Variants in TNS3 observed in about 807,000 individuals in gnomAD.
The protein encoded by TNS3 is tensin 3, also known as tensin-3.
A neutral mutation model predicts 140.9 loss-of-function variants in TNS3; 45 were observed. That is an observed-to-expected ratio of 0.32 (90% CI 0.25 to 0.41). The LOEUF (loss-of-function observed/expected upper bound fraction) is 0.41, where lower values mean the gene tolerates loss of function less well. Among genes scored for constraint, TNS3 ranks in the 10% least tolerant of loss-of-function variants. TNS3 has a pLI of 1.00. For synonymous variants in TNS3, 815 were observed against 788.4 expected (o/e 1.03, Z -0.56); for missense variants, 1,716 against 1,906.7 (o/e 0.90, Z 1.86).
At chr7:47,561,353 G>A (rs1323881092) in intron 1 of TNS3, among the ~76,000 whole-genome samples, 2 of 152,198 alleles carry the variant, frequency 1.3e-5, no homozygotes, top group Non-Finnish European at 2.9e-5. Context: ...GGTGGGTGCA[G>A]GGTATGCTGA....
chr7:47,481,816 G>A (rs1358126781), intron 3 of TNS3: 1 of 462,142 alleles, frequency 2.2e-6, no homozygotes, highest in African/African-American at 2.1e-5. Context: ...GGAGCCACCA[G>A]TCCTGCAGGG....
At chr7:47,559,330 A>G (rs1380986905) in intron 1 of TNS3, among the ~76,000 whole-genome samples, 1 of 152,198 alleles carries the variant, frequency 6.6e-6, no homozygotes, top group Non-Finnish European at 1.5e-5. Context: ...CACCTGGGCA[A>G]CAAAGCAAAA....
chr7:47,277,830 C>T lies in TNS3; in HGVS notation c.*246G>A, dbSNP rs1052319515. On this transcript the variant is annotated 3_prime_UTR_variant, in exon 31 of 31. Coordinates refer to ENST00000311160, the MANE Select transcript of TNS3 (RefSeq NM_022748.12). The stretch of plus-strand genomic sequence containing the variant: ...CCTAGGGGGTGGGGTGCACCCATGC[C>T]CAGCTTCTTCTACCCAAAAAGCATG... 3.4e-6 allele frequency: 2 copies of T among 580,458 alleles called. No homozygotes were observed. Among genetic ancestry groups the T allele is most frequent in the African/African-American group, 3.7e-5 (2 of 54,148 alleles). 36.0% of individuals were successfully genotyped at this position (580,458 alleles called of 1,614,324 possible). A position where few individuals can be genotyped will look rare whatever the true frequency, so the allele number is the denominator to read the frequency against.
In TNS3 at chr7:47,411,760, G is replaced by A. The variant is rs778044379; in HGVS notation, c.690C>T (p.Ile230=). The A allele has an allele frequency of 2.4e-5, 39 of 1,613,080 alleles. No individual in the cohort carries two copies. The highest frequency in any genetic ancestry group is 1.3e-4 in the South Asian group (12 of 90,734). ...CTCCCTTCAGAAGCTGGGCCGGCTCGATGACGATGCAGATCCTGCTGGGGT... is the reference window on the plus strand; with the variant it reads ...CTCCCTTCAGAAGCTGGGCCGGCTCAATGACGATGCAGATCCTGCTGGGGT... The part of the protein sequence containing the change: ...PENPSRICIV[I]EPAQLLKGDV... The change falls in exon 13 of 31, where the codon ATC becomes ATT. Residue 230 remains isoleucine, a synonymous_variant. Coordinates refer to ENST00000311160, the MANE Select transcript of TNS3 (RefSeq NM_022748.12).
intron 17 of TNS3, among the ~76,000 whole-genome samples, chr7:47,351,517 G>A (rs1338564829): frequency 6.6e-6 from 1 of 152,104 alleles, no homozygotes; most frequent in African/African-American, 2.4e-5. Context: ...TCTTCTTCAG[G>A]CAAGACAACT....
chr7:47,505,568 G>C (rs1025247028), intron 3 of TNS3, among the ~76,000 whole-genome samples: 1 of 152,142 alleles, frequency 6.6e-6, no homozygotes, highest in African/African-American at 2.4e-5. Flanking sequence ...GGTCACAGGG[G>C]CTGCTGGTCT....
Position 47,435,138 on chromosome 7 carries a change from T to C in TNS3, c.324+144A>G, listed in dbSNP as rs964897927. The C allele has an allele frequency of 6.5e-6, 7 of 1,082,956 alleles. No homozygotes were observed. In the African/African-American group the frequency reaches 9.7e-5, roughly 15 times the overall value. The allele number at this position is 1,082,956 out of a possible 1,614,324, so 67.1% of individuals were successfully genotyped here. A position where few individuals can be genotyped will look rare whatever the true frequency, so the allele number is the denominator to read the frequency against. The stretch of plus-strand genomic sequence containing the variant: ...CTCTGTTTCCTTCTTTAAGAGCAAG[T>C]AGGAAAACCTAAAGACAAACCCATA... On this transcript the variant is annotated intron_variant, in intron 8 of 30. Transcript: ENST00000311160.
At chr7:47,482,367 C>T (rs1190782829) in intron 3 of TNS3, among the ~76,000 whole-genome samples, 2 of 152,190 alleles carry the variant, frequency 1.3e-5, no homozygotes, top group African/African-American at 2.4e-5. Context: ...CACATCATTA[C>T]TCCACCATGG....
chr7:47,519,591 C>T (rs1309311542), intron 2 of TNS3, among the ~76,000 whole-genome samples: 2 of 152,188 alleles, frequency 1.3e-5, no homozygotes, highest in Non-Finnish European at 2.9e-5. Context: ...TTGTCCCTCA[C>T]TAGCCCAGCA....
At chr7:47,490,535 G>A (rs1354794067) in intron 3 of TNS3, among the ~76,000 whole-genome samples, 1 of 152,238 alleles carries the variant, frequency 6.6e-6, no homozygotes, top group Non-Finnish European at 1.5e-5. Context: ...GGCCTGCTGT[G>A]AGTGGTGGAA....
chr7:47,520,833 A>G (rs942829192), intron 2 of TNS3, among the ~76,000 whole-genome samples: 13 of 152,202 alleles, frequency 8.5e-5, no homozygotes, highest in African/African-American at 3.1e-4. Flanking sequence ...GTTCCCCGGT[A>G]GAAGTCAACC....
In TNS3 at chr7:47,582,108, G is replaced by A. The variant is rs1053797081; in HGVS notation, c.-322C>T. The A allele has an allele frequency of 3.3e-5, 5 of 151,724 alleles. No homozygotes were observed. Among genetic ancestry groups the A allele is most frequent in the African/African-American group, 4.8e-5 (2 of 41,338 alleles). 9.4% of individuals were successfully genotyped at this position (151,724 alleles called of 1,614,324 possible). A position where few individuals can be genotyped will look rare whatever the true frequency, so the allele number is the denominator to read the frequency against. On this transcript the variant is annotated 5_prime_UTR_variant, in exon 1 of 31. Coordinates refer to ENST00000311160, the MANE Select transcript of TNS3 (RefSeq NM_022748.12). ...GATGGCCGCAACGAGGCTGGGCTCC[G>A]AGTAGCGCGCGGGCGGGCCCGTCCT...
chr7:47,546,887 G>A (rs1413053512), intron 1 of TNS3, among the ~76,000 whole-genome samples: 4 of 152,192 alleles, frequency 2.6e-5, no homozygotes, highest in Admixed American at 2.0e-4. Flanking sequence ...CTCAACAGGC[G>A]CTGCGGATGG....
chr7:47,533,887 T>G (rs1799508488), intron 1 of TNS3, among the ~76,000 whole-genome samples: 1 of 152,306 alleles, frequency 6.6e-6, no homozygotes, highest in South Asian at 2.1e-4. Flanking sequence ...CGTGGAACTG[T>G]GAGTCCATTA....
At chr7:47,489,052 C>G (rs1797715108) in intron 3 of TNS3, among the ~76,000 whole-genome samples, 1 of 152,208 alleles carries the variant, frequency 6.6e-6, no homozygotes, top group African/African-American at 2.4e-5. Context: ...TCTCCTTTGT[C>G]AGGCTTGACC....
At chr7:47,388,023 G>C (rs1313203163) in intron 16 of TNS3, among the ~76,000 whole-genome samples, 1 of 152,204 alleles carries the variant, frequency 6.6e-6, no homozygotes, top group African/African-American at 2.4e-5. Context: ...GCCTCTTCCA[G>C]GCAATGGAGA....
At chr7:47,581,273 C>T (rs1784524442) in intron 1 of TNS3, among the ~76,000 whole-genome samples, 1 of 152,020 alleles carries the variant, frequency 6.6e-6, no homozygotes, top group Non-Finnish European at 1.5e-5. Flanking sequence ...CTCCCGCGTG[C>T]CAGGAGGCAC....
At chr7:47,381,358 C>T (rs774601158) in intron 16 of TNS3, among the ~76,000 whole-genome samples, 4 of 152,224 alleles carry the variant, frequency 2.6e-5, no homozygotes, top group Non-Finnish European at 5.9e-5. Flanking sequence ...TTAGCCCAGA[C>T]CTCCACGTTC....
chr7:47,532,211 G>C (rs1799433297), intron 1 of TNS3, among the ~76,000 whole-genome samples: 1 of 152,182 alleles, frequency 6.6e-6, no homozygotes, highest in African/African-American at 2.4e-5. Context: ...GCAAAGTCCT[G>C]GGCAGAAGGG....
Sources: allele counts gnomAD v4.1 joint callset (sites outside exome capture counted in the v4.1 genomes callset), GRCh38; gene constraint gnomAD v4.1.1; transcripts MANE v1.5; gene names NCBI Gene and HGNC (gene_info 2026-07-23, HGNC 2026-07-21).